Variants in FOXO3 observed in about 807,000 individuals in gnomAD.
FOXO3 encodes forkhead box O3.
Under a neutral mutation model 41.9 loss-of-function variants are expected in FOXO3, and 4 were observed. The observed-to-expected ratio is 0.10, with a 90% CI of 0.05 to 0.22. The LOEUF is 0.22. Ranked by LOEUF, FOXO3 falls within the 10% of genes least tolerant of loss-of-function variation. FOXO3 has a pLI of 1.00. For synonymous variants in FOXO3, 318 were observed against 389.3 expected, an observed-to-expected ratio of 0.82 and a Z score of 2.16; for missense variants, 534 against 906.8, an observed-to-expected ratio of 0.59 and a Z score of 5.28.
intron 1 of FOXO3, among the ~76,000 whole-genome samples, chr6:108,625,714 G>GCCCTACCCT: frequency 6.6e-6 from 1 of 152,220 alleles, no homozygotes; most frequent in East Asian, 1.9e-4. Flanking sequence ...TCAGGACCCA[G>GCCCTACCCT]CCCTACCCTC....
At chr6:108,641,386 G>GT (rs1778253111) in intron 1 of FOXO3, among the ~76,000 whole-genome samples, 1 of 152,074 alleles carries the variant, frequency 6.6e-6, no homozygotes, top group Admixed American at 6.5e-5. Context: ...CACATTGAAT[G>GT]TTGACAAGTT....
intron 1 of FOXO3, among the ~76,000 whole-genome samples, chr6:108,616,156 G>GTTTTT (rs35632295): frequency 1.1e-4 from 6 of 55,122 alleles, no homozygotes; most frequent in African/African-American, 1.8e-4. Context: ...CCCAACTAAG[G>GTTTTT]TTTTTTTTTT....
At chr6:108,632,046 A>G (rs1297530980) in intron 1 of FOXO3, among the ~76,000 whole-genome samples, 3 of 152,172 alleles carry the variant, frequency 2.0e-5, no homozygotes, top group African/African-American at 7.2e-5. Context: ...GAAACTGGAA[A>G]TTAACTCTAG....
At chr6:108,608,066 A>C (rs1363890875) in intron 1 of FOXO3, among the ~76,000 whole-genome samples, 1 of 152,132 alleles carries the variant, frequency 6.6e-6, no homozygotes, top group Non-Finnish European at 1.5e-5. Context: ...GGATCATATA[A>C]TGGTAGAGTT....
intron 1 of FOXO3, among the ~76,000 whole-genome samples, chr6:108,638,622 A>G (rs1168251712): frequency 6.6e-6 from 1 of 152,176 alleles, no homozygotes; most frequent in Non-Finnish European, 1.5e-5. Flanking sequence ...GAAGTTTGTG[A>G]TTCCCAGCCT....
chr6:108,667,486 G>A (rs1381644205), intron 2 of FOXO3, among the ~76,000 whole-genome samples: 1 of 152,218 alleles, frequency 6.6e-6, no homozygotes, highest in Non-Finnish European at 1.5e-5. Flanking sequence ...GAAAATATGT[G>A]TTCAGAAGAC....
At chr6:108,573,410 C>G (rs1776164663) in intron 1 of FOXO3, among the ~76,000 whole-genome samples, 1 of 152,238 alleles carries the variant, frequency 6.6e-6, no homozygotes, top group African/African-American at 2.4e-5. Flanking sequence ...CTGACTCCAT[C>G]TTGAATGCTC....
chr6:108,667,202 A>G (rs757216002), intron 2 of FOXO3, among the ~76,000 whole-genome samples: 4 of 152,196 alleles, frequency 2.6e-5, no homozygotes, highest in Non-Finnish European at 2.9e-5. Context: ...ATGGAAGCTA[A>G]GTAGGGTGGT....
intron 1 of FOXO3, among the ~76,000 whole-genome samples, chr6:108,638,224 AC>A (rs1262485221): frequency 6.6e-6 from 1 of 152,000 alleles, no homozygotes; most frequent in African/African-American, 2.4e-5. Flanking sequence ...GTCCTAAGAA[AC>A]CCCACAGACT....
At chr6:108,665,933 CAT>C (rs1449332377) in intron 2 of FOXO3, among the ~76,000 whole-genome samples, 3 of 151,644 alleles carry the variant, frequency 2.0e-5, no homozygotes, top group African/African-American at 4.8e-5. Flanking sequence ...AGTTTCCAAA[CAT>C]AGAGTGACAC....
chr6:108,606,083 C>A (rs1034001223), intron 1 of FOXO3, among the ~76,000 whole-genome samples: 1 of 152,014 alleles, frequency 6.6e-6, no homozygotes, highest in African/African-American at 2.4e-5. Flanking sequence ...CGAAACAGAA[C>A]AATTATAATT....
chr6:108,663,099 A>G (rs892372182), intron 1 of FOXO3, among the ~76,000 whole-genome samples: 27 of 152,326 alleles, frequency 1.8e-4, no homozygotes, highest in African/African-American at 6.3e-4. Flanking sequence ...GTTGGCCAGC[A>G]CGGTGGCTCA....
chr6:108,564,395 G>T (rs1775898711), intron 1 of FOXO3, among the ~76,000 whole-genome samples: 1 of 152,196 alleles, frequency 6.6e-6, no homozygotes, highest in Non-Finnish European at 1.5e-5. Context: ...GTTGATTCTT[G>T]TCATGATTAG....
At chr6:108,638,319 A>G (rs1328521305) in intron 1 of FOXO3, among the ~76,000 whole-genome samples, 1 of 152,210 alleles carries the variant, frequency 6.6e-6, no homozygotes, top group Non-Finnish European at 1.5e-5. Flanking sequence ...ATGCCTATCA[A>G]GGTTTGTCCA....
Position 108,561,802 on chromosome 6 carries a change from C to G in FOXO3, c.594C>G (p.Gly198=). The part of the protein sequence containing the change: ...VRCVPYFKDK[G]DSNSSAGWKN... ...GCGTGCCCTACTTCAAGGATAAGGG[C>G]GACAGCAACAGCTCTGCCGGCTGGA... Residue 198 remains glycine (G), a synonymous_variant, in exon 1 of 3, where the codon GGC becomes GGG. Transcript: ENST00000406360. The G allele has an allele frequency of 1.9e-6, 3 of 1,591,160 alleles. No homozygotes were observed. The highest frequency in any genetic ancestry group is 1.7e-6 in the Non-Finnish European group (2 of 1,169,924).
At chr6:108,616,806 C>G (rs1048797917) in intron 1 of FOXO3, among the ~76,000 whole-genome samples, 2 of 152,154 alleles carry the variant, frequency 1.3e-5, no homozygotes, top group Non-Finnish European at 2.9e-5. Context: ...GTACCCCACT[C>G]CTTTTCAGCC....
In FOXO3 at chr6:108,664,065, G is replaced by T. The variant is rs773264266; in HGVS notation, c.1232G>T (p.Ser411Ile). Residue 411 changes from serine to isoleucine, a missense_variant, in exon 2 of 3, where the codon AGC (serine) becomes ATC (isoleucine). Around this residue, in one of 8 missense-constraint regions of FOXO3, gnomAD observed 185 missense variants for 224.9 expected, o/e 0.82. Coordinates refer to ENST00000406360, the MANE Select transcript of FOXO3 (RefSeq NM_001455.4). ...PSPTGGLMQR[S>I]SSFPYTTKGS... ...CCCACTGGGGGACTCATGCAGCGGA[G>T]CTCTAGCTTCCCGTATACCACCAAG... 2 of 1,614,182 alleles carry T rather than the reference G, an allele frequency of 1.2e-6. No homozygotes were observed. The highest frequency in any genetic ancestry group is 4.5e-5 in the East Asian group (2 of 44,876).
At chr6:108,671,521 T>C (rs1779217004) in intron 2 of FOXO3, among the ~76,000 whole-genome samples, 1 of 152,258 alleles carries the variant, frequency 6.6e-6, no homozygotes, top group Non-Finnish European at 1.5e-5. Context: ...AGTTTCAGTT[T>C]GCTTATTTAT....
rs145825584 is a variant in FOXO3 at position 108,622,120 on chromosome 6, G to T, written c.622-41335G>T. Among the ~76,000 whole-genome samples, 105 of 152,218 alleles carry T rather than the reference G, an allele frequency of 6.9e-4. 1 individual carries two copies. In the East Asian group the frequency reaches 0.019, roughly 28 times the overall value. On this transcript the variant is annotated intron_variant, in intron 1 of 2. Coordinates refer to ENST00000406360, the MANE Select transcript of FOXO3 (RefSeq NM_001455.4). ...AACAATACAAAAAAATTAGCTGGGT[G>T]TGGTGGCGCATGCCTGTCATCCCAG...
Sources: allele counts gnomAD v4.1 joint callset (sites outside exome capture counted in the v4.1 genomes callset), GRCh38; gene constraint gnomAD v4.1.1; regional missense constraint gnomAD v4.1.1; transcripts MANE v1.5; gene names NCBI Gene and HGNC (gene_info 2026-07-23, HGNC 2026-07-21).